The following KYAT3 variants were observed in gnomAD, a reference collection of about 807,000 sequenced individuals.
The protein encoded by KYAT3 is kynurenine aminotransferase 3.
In KYAT3, 50 loss-of-function variants were observed where a neutral mutation model predicts 59.0. The observed-to-expected ratio is 0.85, with a 90% confidence interval of 0.68 to 1.07. KYAT3 has a LOEUF of 1.07. Ranked by LOEUF, KYAT3 falls within the 50% of genes least tolerant of loss-of-function variation. The probability of loss-of-function intolerance (pLI) is 0.00; values close to 1 mark genes in which losing one functional copy is unlikely to be tolerated. For missense variants in KYAT3, 497 were observed against 533.3 expected, an observed-to-expected ratio of 0.93 and a Z score of 0.67; for synonymous variants, 148 against 177.0, an observed-to-expected ratio of 0.84 and a Z score of 1.30.
At chr1:88,956,009 T>TA (rs1675899134) in intron 8 of KYAT3, among the ~76,000 whole-genome samples, 1 of 152,224 alleles carries the variant, frequency 6.6e-6, no homozygotes, top group Non-Finnish European at 1.5e-5. Flanking sequence ...ACACTTTTTT[T>TA]ATCTCAAAAG....
intron 11 of KYAT3, among the ~76,000 whole-genome samples, chr1:88,944,875 C>G (rs1425748707): frequency 6.6e-6 from 1 of 152,122 alleles, no homozygotes; most frequent in East Asian, 1.9e-4. Context: ...TGGAGTTTCT[C>G]TCTCGTTACC....
Position 88,949,186 on chromosome 1 carries a change from T to C in KYAT3, c.1046A>G (p.Lys349Arg). ...FNSLPKELEV[K>R]RDRMVRLLES... Reference sequence around the variant, plus strand: ...AAGTAAACGTACCATCCGATCTCTTTTTACTTCTAACTCTTTTGGCAAAGA... The same window carrying C: ...AAGTAAACGTACCATCCGATCTCTTCTTACTTCTAACTCTTTTGGCAAAGA... The change falls in exon 11 of 14, where the codon AAA becomes AGA. Residue 349 changes from lysine to arginine, a missense_variant. Transcript: ENST00000260508. 1.2e-6 allele frequency: 2 copies of C among 1,611,146 alleles called. No individual in the cohort carries two copies. Among genetic ancestry groups the C allele is most frequent in the Non-Finnish European group, 8.5e-7 (1 of 1,178,914 alleles).
intron 1 of KYAT3, among the ~76,000 whole-genome samples, chr1:88,991,983 GT>G (rs10638041): frequency 6.9e-6 from 1 of 144,790 alleles, no homozygotes; most frequent in Non-Finnish European, 1.5e-5. Flanking sequence ...TATTCTTTTG[GT>G]TTTTTTTTTT....
chr1:88,974,365 T>C lies in KYAT3; in HGVS notation c.100-4898A>G, dbSNP rs139864045. Among the ~76,000 whole-genome samples the C allele has an allele frequency of 1.8e-4, 27 of 152,214 alleles. No homozygotes were observed. The East Asian group carries it at 5.0e-3, about 28-fold the overall frequency. ...AAATTTCACTTTTAATTACAACGTA[T>C]GTTTTTGGTTGTTTTTGTGCCATAT... On this transcript the variant is annotated intron_variant, in intron 2 of 13. Transcript: ENST00000260508.
intron 11 of KYAT3, among the ~76,000 whole-genome samples, chr1:88,944,367 G>A (rs992661598): frequency 1.3e-4 from 20 of 152,238 alleles, no homozygotes; most frequent in Non-Finnish European, 1.0e-4. Context: ...AGGTTCACCT[G>A]TATTTTTAAA....
rs1194981772 is a variant in KYAT3, at chr1:88,961,346, T to A, written c.666+35A>T. ...ATTCAACATGTGAGAAAATGATAGG[T>A]CAGAAGACTGTATAAGGAGATGAGA... On this transcript the variant is annotated intron_variant, in intron 7 of 13. Transcript: ENST00000260508. The A allele has an allele frequency of 2.5e-6, 4 of 1,613,524 alleles. No homozygotes were observed. In the Admixed American group the frequency reaches 5.0e-5, roughly 20 times the overall value.
At chr1:88,987,830 T>C (rs993186815) in intron 2 of KYAT3, among the ~76,000 whole-genome samples, 4 of 152,262 alleles carry the variant, frequency 2.6e-5, no homozygotes, top group African/African-American at 7.2e-5. Context: ...ATCTCTCTGA[T>C]TGTCTTTAAA....
At chr1:88,969,379 C>G (rs1347442848) in intron 3 of KYAT3, 30 bp downstream of exon 3, 3 of 1,375,298 alleles carry the variant, frequency 2.2e-6, no homozygotes, top group Admixed American at 3.5e-5. Context: ...GAAACCCTCA[C>G]TAAATTATTA....
chr1:88,952,804 T>G (rs1407220354), intron 10 of KYAT3, among the ~76,000 whole-genome samples: 1 of 152,200 alleles, frequency 6.6e-6, no homozygotes, highest in African/African-American at 2.4e-5. Flanking sequence ...TGTTTGGTGT[T>G]GCCATTGTCC....
At chr1:88,922,916 T>G in the KYAT3 span, among the ~76,000 whole-genome samples, 2 of 152,202 alleles carry the variant, frequency 1.3e-5, no homozygotes, top group African/African-American at 4.8e-5. Flanking sequence ...AAGTGTCCTC[T>G]TTTGCTGTGT....
chr1:88,982,010 A>C, intron 2 of KYAT3: 4 of 979,714 alleles, frequency 4.1e-6, no homozygotes, highest in Non-Finnish European at 4.9e-6. Context: ...GTTGTTTAGC[A>C]CACACTTAAA....
Position 88,936,197 on chromosome 1 carries a change from C to T in KYAT3, c.1351G>A (p.Val451Ile), listed in dbSNP as rs747003773. 1.8e-5 allele frequency: 29 copies of T among 1,609,734 alleles called. No individual in the cohort carries two copies. Among genetic ancestry groups the T allele is most frequent in the African/African-American group, 2.7e-5 (2 of 74,886 alleles). ...TTCTGCACAAATCAAGACTTCTGTACACTCCATGCCTTGATGATTTCTTCA... is the reference window on the plus strand; with the variant it reads ...TTCTGCACAAATCAAGACTTCTGTATACTCCATGCCTTGATGATTTCTTCA... The part of the protein sequence containing the change: ...AAEEIIKAWS[V>I]QKS Residue 451 changes from valine (V) to isoleucine (I), a missense_variant, in exon 14 of 14, where the codon GTA becomes ATA. Transcript: ENST00000260508.
At chr1:88,962,236 T>C (rs1221476102) in intron 5 of KYAT3, 91 bp from the exon 6 acceptor site, 2 of 967,610 alleles carry the variant, frequency 2.1e-6, no homozygotes, top group African/African-American at 1.6e-5. Context: ...CACTGTACTA[T>C]GTGTTGGGAT....
At chr1:88,929,151 C>T in the KYAT3 span, among the ~76,000 whole-genome samples, 1,302 of 152,132 alleles carry the variant, frequency 8.6e-3, 16 homozygotes, top group African/African-American at 0.03. Flanking sequence ...CCCTTAGACC[C>T]GAGGCCCAAC....
At chr1:88,968,288 G>A (rs1273187305) in intron 4 of KYAT3, among the ~76,000 whole-genome samples, 1 of 152,220 alleles carries the variant, frequency 6.6e-6, no homozygotes, top group Non-Finnish European at 1.5e-5. Flanking sequence ...AAGGATGGGA[G>A]TGAGCTGGCA....
rs143272223 is a variant in KYAT3, at chr1:88,943,021, C to T, written c.1286G>A (p.Arg429His). The change falls in exon 13 of 14, where the codon CGT becomes CAT. Residue 429 changes from arginine to histidine, a missense_variant. Arg to His is a conservative substitution (Grantham distance 29, BLOSUM62 0). Around this residue, in one of 2 missense-constraint regions of KYAT3, gnomAD observed 28 missense variants for 54.2 expected, o/e 0.52. Transcript: ENST00000260508. ...ETKSQFEKFV[R>H]FCFIKKDSTL... is the part of the protein sequence containing the mutation. ...GGAACTTACTTTAATGAAGCAAAAACGCACAAACTTCTCAAACTGTGATTT... is the reference window on the plus strand; with the variant it reads ...GGAACTTACTTTAATGAAGCAAAAATGCACAAACTTCTCAAACTGTGATTT... 4.3e-5 allele frequency: 70 copies of T among 1,612,142 alleles called. No homozygotes were observed. Among genetic ancestry groups the T allele is most frequent in the African/African-American group, 1.2e-4 (9 of 74,664 alleles).
In KYAT3 at chr1:88,968,791, G is replaced by A. The variant is rs771446413; in HGVS notation, c.182C>T (p.Ala61Val). 6.3e-7 allele frequency: 1 copy of A among 1,584,666 alleles called. No homozygotes were observed. Residue 61 changes from alanine to valine, a missense_variant, in exon 4 of 14, where the codon GCA becomes GTA. Coordinates refer to ENST00000260508, the MANE Select transcript of KYAT3 (RefSeq NM_001008661.3). ...NVWIEFTKLA[A>V]DPSVVNLGQG... is the part of the protein sequence containing the mutation. ...GCCAAGATTCACAACAGAAGGGTCTGCAGCCAATTTGGTAAATTCAATCCT... is the reference window on the plus strand; with the variant it reads ...GCCAAGATTCACAACAGAAGGGTCTACAGCCAATTTGGTAAATTCAATCCT...
chr1:88,951,534 T>C (rs1411751899), intron 10 of KYAT3, among the ~76,000 whole-genome samples: 1 of 152,046 alleles, frequency 6.6e-6, no homozygotes, highest in African/African-American at 2.4e-5. Flanking sequence ...TGTGCCTGGT[T>C]CTTTTGCCCT....
At chr1:88,961,000 A>C (rs553829500) in intron 8 of KYAT3, among the ~76,000 whole-genome samples, 167 bp downstream of exon 8, 202 of 152,330 alleles carry the variant, frequency 1.3e-3, no homozygotes, top group African/African-American at 4.6e-3. Context: ...TGAACTATTC[A>C]TCAATTCACT....
Sources: allele counts gnomAD v4.1 joint callset (sites outside exome capture counted in the v4.1 genomes callset), GRCh38; gene constraint gnomAD v4.1.1; regional missense constraint gnomAD v4.1.1; transcripts MANE v1.5; gene names NCBI Gene and HGNC (gene_info 2026-07-23, HGNC 2026-07-21).